PREX1: variants seen among roughly 807,000 people sequenced by gnomAD.
The protein encoded by PREX1 is phosphatidylinositol-3,4,5-trisphosphate dependent Rac exchange factor 1.
A neutral mutation model predicts 198.3 loss-of-function variants in PREX1; 41 were observed. That is an observed-to-expected ratio of 0.21 (90% CI 0.16 to 0.27). The LOEUF (loss-of-function observed/expected upper bound fraction) is 0.27, where lower values mean the gene tolerates loss of function less well. Among genes scored for constraint, PREX1 ranks in the 10% least tolerant of loss-of-function variants. The pLI is 1.00. For missense variants in PREX1, 1,620 were observed against 2,200.7 expected (o/e 0.74, Z 5.28); for synonymous variants, 843 against 887.2 (o/e 0.95, Z 0.89).
chr20:48,814,488 G>C (rs1359599307), intron 1 of PREX1, among the ~76,000 whole-genome samples: 4 of 152,316 alleles, frequency 2.6e-5, no homozygotes, highest in Middle Eastern at 3.4e-3. Context: ...AGGGTTCCAA[G>C]AGCTCCAGGT....
chr20:48,692,573 C>A, intron 8 of PREX1, 99 bp downstream of exon 8: 1 of 996,732 alleles, frequency 1.0e-6, no homozygotes, highest in South Asian at 1.5e-5. Flanking sequence ...GATTACATCT[C>A]ATGATAAAAG....
chr20:48,646,583 C>T (rs1342455956), intron 25 of PREX1, among the ~76,000 whole-genome samples: 2 of 149,416 alleles, frequency 1.3e-5, no homozygotes, highest in Non-Finnish European at 3.0e-5. Context: ...CCCAGCTACT[C>T]GGGAGGCTCG....
rs1193574262 is a variant in PREX1, at chr20:48,827,916, C to T, written c.-56G>A. ...CCGTCGCGCCGAGCGGCAACTCAGGCGTCCAGGCGCCCCATCCCGGACGGG... is the reference window on the plus strand; with the variant it reads ...CCGTCGCGCCGAGCGGCAACTCAGGTGTCCAGGCGCCCCATCCCGGACGGG... On this transcript the variant is annotated 5_prime_UTR_variant, in exon 1 of 40. Transcript: ENST00000371941. The surrounding 1 kb of genome is among the most constrained non-coding windows in gnomAD (Gnocchi z 4.1). 11 of 758,128 alleles carry T rather than the reference C, an allele frequency of 1.5e-5. No individual in the cohort carries two copies. The highest frequency in any genetic ancestry group is 2.0e-5 in the African/African-American group (1 of 50,078). The allele number at this position is 758,128 out of a possible 1,614,324, so 47.0% of individuals were successfully genotyped here. A position where few individuals can be genotyped will look rare whatever the true frequency, so the allele number is the denominator to read the frequency against.
Position 48,817,055 on chromosome 20 carries a change from C to T in PREX1, c.219+10587G>A, listed in dbSNP as rs1438841314. 2.6e-5 allele frequency among the ~76,000 whole-genome samples: 4 copies of T among 152,214 alleles called. No homozygotes were observed. In the South Asian group the frequency reaches 6.2e-4, roughly 24 times the overall value. On this transcript the variant is annotated intron_variant, in intron 1 of 39. Transcript: ENST00000371941. Reference sequence around the variant, plus strand: ...CAAAACTGCAAGGCTGTAAATGAAACAGGATGTGTAACAGCCTCACCCAGA... The same window carrying T: ...CAAAACTGCAAGGCTGTAAATGAAATAGGATGTGTAACAGCCTCACCCAGA...
At chr20:48,865,106 T>C in the PREX1 span, among the ~76,000 whole-genome samples, 1 of 152,052 alleles carries the variant, frequency 6.6e-6, no homozygotes, top group Non-Finnish European at 1.5e-5. Context: ...GCCATAAGCT[T>C]ATAAAATGGT....
intron 5 of PREX1, among the ~76,000 whole-genome samples, chr20:48,711,436 AG>A (rs897922443): frequency 1.2e-4 from 18 of 152,146 alleles, no homozygotes; most frequent in Non-Finnish European, 1.9e-4. Context: ...AGCCGAGGCC[AG>A]GGAGTGAATG....
In PREX1 at chr20:48,651,567, G is replaced by A; in HGVS notation, c.2484C>T (p.Ser828=). 3.1e-6 allele frequency: 5 copies of A among 1,613,634 alleles called. No individual in the cohort carries two copies. The highest frequency in any genetic ancestry group is 2.2e-5 in the East Asian group (1 of 44,888). The part of the protein sequence containing the change: ...DQADSAFPLL[S]LGPRLSLCED... ...CACACAGGCTCAGCCGGGGACCCAGGGACAGCAGTGGGAAGGCTGGAAGCC... is the reference window on the plus strand; with the variant it reads ...CACACAGGCTCAGCCGGGGACCCAGAGACAGCAGTGGGAAGGCTGGAAGCC... Residue 828 remains serine, a synonymous_variant, in exon 22 of 40, where the codon TCC becomes TCT. Transcript: ENST00000371941.
intron 27 of PREX1, among the ~76,000 whole-genome samples, chr20:48,643,826 C>T (rs932409639): frequency 2.0e-5 from 3 of 152,072 alleles, no homozygotes; most frequent in African/African-American, 7.2e-5. Context: ...GGTGCGTGCA[C>T]CACCACACCC....
intron 1 of PREX1, among the ~76,000 whole-genome samples, chr20:48,775,003 G>T (rs1348120834): frequency 1.3e-5 from 2 of 152,212 alleles, no homozygotes; most frequent in Non-Finnish European, 2.9e-5. Context: ...GTGGGAGACA[G>T]GAACCTGCTT....
chr20:48,874,893 A>G, the PREX1 span, among the ~76,000 whole-genome samples: 1 of 151,920 alleles, frequency 6.6e-6, no homozygotes, highest in Non-Finnish European at 1.5e-5. Context: ...AAAAAAAAGA[A>G]AGAAAAGAAA....
intron 7 of PREX1, among the ~76,000 whole-genome samples, chr20:48,697,216 A>G (rs985657990): frequency 6.6e-6 from 1 of 152,088 alleles, no homozygotes; most frequent in African/African-American, 2.4e-5. Flanking sequence ...TTCTAACCAC[A>G]TTACATGTGT....
At chr20:48,807,190 C>A (rs1202858419) in intron 1 of PREX1, among the ~76,000 whole-genome samples, 1 of 152,182 alleles carries the variant, frequency 6.6e-6, no homozygotes, top group Non-Finnish European at 1.5e-5. Flanking sequence ...AGTGAAAATT[C>A]TTTTTCTACA....
At position 48,807,572 on chromosome 20, in the gene PREX1, C is replaced by CT. The variant is rs202007274; in HGVS notation, c.219+20069dup. On this transcript the variant is annotated intron_variant, in intron 1 of 39. Transcript: ENST00000371941. ...TCTTTGTAACTTACATCTTTACCTA[C>CT]TTTTTTTTTCTTGTTTCTATAGGAG... Among the ~76,000 whole-genome samples the CT allele has an allele frequency of 5.4e-3, 825 of 151,970 alleles. 22 individuals are homozygous for CT. The highest frequency in any genetic ancestry group is 0.04 in the Admixed American group (612 of 15,242).
chr20:48,702,699 G>A (rs974186873), intron 6 of PREX1, among the ~76,000 whole-genome samples: 1 of 152,244 alleles, frequency 6.6e-6, no homozygotes, highest in African/African-American at 2.4e-5. Flanking sequence ...TCCTGGCAGA[G>A]CAAAGCTGCC....
chr20:48,762,056 G>A (rs2090182851), intron 1 of PREX1, among the ~76,000 whole-genome samples: 1 of 152,156 alleles, frequency 6.6e-6, no homozygotes, highest in Non-Finnish European at 1.5e-5. Context: ...TGAGACTTCT[G>A]TCCTAGACAC....
intron 1 of PREX1, among the ~76,000 whole-genome samples, chr20:48,754,714 G>A (rs537447439): frequency 6.6e-6 from 1 of 151,056 alleles, no homozygotes. Context: ...GGGGGTGGGT[G>A]GGGGGAGCTC....
Position 48,782,282 on chromosome 20 carries a change from C to T in PREX1, c.220-34402G>A, listed in dbSNP as rs1425060537. ...TAATTGAATCATGGGGGAAGTTTCC[C>T]CCATGCGGTTCTCGTGGTATTGAAT... On this transcript the variant is annotated intron_variant, in intron 1 of 39. Transcript: ENST00000371941. Among the ~76,000 whole-genome samples, 3 of 152,042 alleles carry T rather than the reference C, an allele frequency of 2.0e-5. 1 individual carries two copies. The highest frequency in any genetic ancestry group is 4.4e-5 in the Non-Finnish European group (3 of 67,986).
At chr20:48,731,674 C>T (rs943717278) in intron 4 of PREX1, among the ~76,000 whole-genome samples, 2 of 152,220 alleles carry the variant, frequency 1.3e-5, no homozygotes, top group African/African-American at 4.8e-5. Context: ...CTTAATGTCC[C>T]ATAACAGACT....
chr20:48,734,091 TTAAA>T (rs2090046702), intron 4 of PREX1, among the ~76,000 whole-genome samples: 1 of 152,314 alleles, frequency 6.6e-6, no homozygotes, highest in African/African-American at 2.4e-5. Flanking sequence ...TCATTTATAA[TTAAA>T]TAATCCTAAA....
Sources: allele counts gnomAD v4.1 joint callset (sites outside exome capture counted in the v4.1 genomes callset), GRCh38; gene constraint gnomAD v4.1.1; non-coding constraint Gnocchi (gnomAD v3.1); transcripts MANE v1.5; gene names NCBI Gene and HGNC (gene_info 2026-07-23, HGNC 2026-07-21).